Variants in TMEM132B observed in about 807,000 individuals in gnomAD.
TMEM132B encodes the protein transmembrane protein 132B.
A neutral mutation model predicts 90.8 loss-of-function variants in TMEM132B; 18 were observed. That is an observed-to-expected ratio of 0.20 (90% CI 0.14 to 0.29). The LOEUF (loss-of-function observed/expected upper bound fraction) is 0.29, where lower values mean the gene tolerates loss of function less well. Among genes scored for constraint, TMEM132B ranks in the 10% least tolerant of loss-of-function variants. The probability of loss-of-function intolerance (pLI) is 1.00; values close to 1 mark genes in which losing one functional copy is unlikely to be tolerated. For missense variants in TMEM132B, 1,096 were observed against 1,326.8 expected, an observed-to-expected ratio of 0.83 and a Z score of 2.70; for synonymous variants, 504 against 523.3, an observed-to-expected ratio of 0.96 and a Z score of 0.50.
intron 5 of TMEM132B, among the ~76,000 whole-genome samples, chr12:125,633,256 A>C (rs1886408025): frequency 6.6e-6 from 1 of 152,028 alleles, no homozygotes; most frequent in African/African-American, 2.4e-5. Flanking sequence ...TCAGCTCAAG[A>C]ATTTCTGCTT....
intron 1 of TMEM132B, among the ~76,000 whole-genome samples, chr12:125,229,707 C>T (rs1873771734): frequency 6.6e-6 from 1 of 152,334 alleles, no homozygotes; most frequent in East Asian, 1.9e-4. Context: ...AACAGTAACA[C>T]TGGGAATGTC....
chr12:125,356,158 A>G (rs1338055312), intron 2 of TMEM132B, among the ~76,000 whole-genome samples: 2 of 152,100 alleles, frequency 1.3e-5, no homozygotes, highest in East Asian at 1.9e-4. Flanking sequence ...GATTTATTAA[A>G]ATAGGGTTTT....
At chr12:125,356,101 A>T (rs1302673655) in intron 2 of TMEM132B, among the ~76,000 whole-genome samples, 1 of 152,292 alleles carries the variant, frequency 6.6e-6, no homozygotes, top group South Asian at 2.1e-4. Context: ...CCCCCTCCAA[A>T]TATAATATCT....
At chr12:125,500,849 G>T (rs1427847952) in intron 3 of TMEM132B, among the ~76,000 whole-genome samples, 2 of 152,142 alleles carry the variant, frequency 1.3e-5, no homozygotes, top group African/African-American at 4.8e-5. Context: ...GTGGGTCTCT[G>T]ATCTCCCTTG....
At chr12:125,532,813 C>A (rs1883681455) in intron 4 of TMEM132B, among the ~76,000 whole-genome samples, 1 of 152,058 alleles carries the variant, frequency 6.6e-6, no homozygotes, top group Non-Finnish European at 1.5e-5. Flanking sequence ...CCACACCCGG[C>A]CTTAGGAACC....
chr12:125,256,076 C>T (rs1201403279), intron 1 of TMEM132B, among the ~76,000 whole-genome samples: 1 of 152,088 alleles, frequency 6.6e-6, no homozygotes, highest in Non-Finnish European at 1.5e-5. Context: ...TCAGTCAGTG[C>T]GTTCATGTCC....
intron 5 of TMEM132B, among the ~76,000 whole-genome samples, chr12:125,623,432 G>A (rs565005164): frequency 6.6e-6 from 1 of 152,168 alleles, no homozygotes; most frequent in Admixed American, 6.5e-5. Flanking sequence ...CCTTGGGTAA[G>A]AATATTTTGT....
chr12:125,219,180 C>T (rs1373969520), intron 1 of TMEM132B, among the ~76,000 whole-genome samples: 2 of 152,052 alleles, frequency 1.3e-5, no homozygotes, highest in Admixed American at 6.6e-5. Context: ...GCCATGATGG[C>T]GAGGTTTCTG....
intron 3 of TMEM132B, among the ~76,000 whole-genome samples, chr12:125,509,893 G>A (rs1402024208): frequency 6.6e-6 from 1 of 152,180 alleles, no homozygotes; most frequent in Middle Eastern, 3.2e-3. Flanking sequence ...CTGTCAGCAT[G>A]GGTTTGCCTC....
In TMEM132B at chr12:125,545,817, C is replaced by A. The variant is rs534852524; in HGVS notation, c.1293+26192C>A. Reference sequence around the variant, plus strand: ...TTGAATCCCTGGATCCAGTCATACCCAAGCTACATTTGGAATTTTCACTTG... The same window carrying A: ...TTGAATCCCTGGATCCAGTCATACCAAAGCTACATTTGGAATTTTCACTTG... On this transcript the variant is annotated intron_variant, in intron 4 of 8. Coordinates refer to ENST00000682704, the MANE Select transcript of TMEM132B (RefSeq NM_001366854.1). Among the ~76,000 whole-genome samples the A allele has an allele frequency of 3.3e-5, 5 of 152,268 alleles. No individual in the cohort carries two copies. In the East Asian group the frequency reaches 9.7e-4, roughly 29 times the overall value.
Position 125,277,755 on chromosome 12 carries a change from A to G in TMEM132B, c.68-71697A>G, listed in dbSNP as rs1187524710. Among the ~76,000 whole-genome samples, 1 of 152,214 alleles carries G rather than the reference A, an allele frequency of 6.6e-6. No homozygotes were observed. The highest frequency in any genetic ancestry group is 1.5e-5 in the Non-Finnish European group (1 of 68,040). On this transcript the variant is annotated intron_variant, in intron 1 of 8. Transcript: ENST00000682704. The surrounding 1 kb of genome is among the most constrained non-coding windows in gnomAD (Gnocchi z 4.3). Reference sequence around the variant, plus strand: ...AATTTCTGTTGTTATAAGCCATCCCATTTGTGGTAATTTGTTGTGGCAGCT... The same window carrying G: ...AATTTCTGTTGTTATAAGCCATCCCGTTTGTGGTAATTTGTTGTGGCAGCT...
intron 4 of TMEM132B, among the ~76,000 whole-genome samples, chr12:125,529,034 C>T (rs1481170903): frequency 6.7e-6 from 1 of 148,314 alleles, no homozygotes; most frequent in Non-Finnish European, 1.5e-5. Context: ...CCTTCTTCCT[C>T]CCTCCTCCTT....
At chr12:125,234,088 C>T (rs1873880468) in intron 1 of TMEM132B, among the ~76,000 whole-genome samples, 1 of 152,198 alleles carries the variant, frequency 6.6e-6, no homozygotes, top group Non-Finnish European at 1.5e-5. Flanking sequence ...CATAGCACAG[C>T]TCCTGGCAGG....
Position 125,283,563 on chromosome 12 carries a change from C to A in TMEM132B, c.68-65889C>A, listed in dbSNP as rs189278633. On this transcript the variant is annotated intron_variant, in intron 1 of 8. Transcript: ENST00000682704. ...TCTGGCCCGGGAAACATGTAATTAC[C>A]ATGAGTGCCAGTCTCTGTAATGAAG... Among the ~76,000 whole-genome samples, 516 of 152,226 alleles carry A rather than the reference C, an allele frequency of 3.4e-3. 2 individuals are homozygous for A. The highest frequency in any genetic ancestry group is 0.012 in the African/African-American group (485 of 41,540).
rs980341065 is a variant in TMEM132B at position 125,460,058 on chromosome 12, C to T, written c.1106+44381C>T. Among the ~76,000 whole-genome samples, 2 of 152,158 alleles carry T rather than the reference C, an allele frequency of 1.3e-5. No homozygotes were observed. The highest frequency in any genetic ancestry group is 4.8e-5 in the African/African-American group (2 of 41,430). On this transcript the variant is annotated intron_variant, in intron 3 of 8. Transcript: ENST00000682704. This position sits in a 1 kb window ranked among gnomAD's most constrained non-coding sequence, Gnocchi z 4.4. Reference sequence around the variant, plus strand: ...ATAAATTACACAGTCTCAGGTATGCCTTTATCAGCAGTGTGTGAACAGACT... The same window carrying T: ...ATAAATTACACAGTCTCAGGTATGCTTTTATCAGCAGTGTGTGAACAGACT...
In TMEM132B at chr12:125,348,261, A is replaced by G. The variant is rs181871069; in HGVS notation, c.68-1191A>G. ...GATCAACCTATTGAATATGGATTAA[A>G]ATAATAATTGTGGGTGAATATTGAC... On this transcript the variant is annotated intron_variant, in intron 1 of 8. Transcript: ENST00000682704. Among the ~76,000 whole-genome samples, 167 of 152,340 alleles carry G rather than the reference A, an allele frequency of 1.1e-3. 2 individuals are homozygous for G. The highest frequency in any genetic ancestry group is 3.9e-3 in the African/African-American group (161 of 41,574).
chr12:125,639,171 C>A (rs1804477206), intron 5 of TMEM132B, among the ~76,000 whole-genome samples: 1 of 152,156 alleles, frequency 6.6e-6, no homozygotes, highest in Admixed American at 6.5e-5. Context: ...CCTTCCCCTG[C>A]CAATAAAACA....
chr12:125,336,458 C>G (rs1470736217), intron 1 of TMEM132B, among the ~76,000 whole-genome samples: 1 of 152,190 alleles, frequency 6.6e-6, no homozygotes, highest in Non-Finnish European at 1.5e-5. Context: ...AGACCTGAAG[C>G]CAGCCTATGC....
chr12:125,566,877 A>G (rs556709370), intron 4 of TMEM132B, among the ~76,000 whole-genome samples: 18 of 109,798 alleles, frequency 1.6e-4, no homozygotes, highest in African/African-American at 6.6e-4. Flanking sequence ...GGAGTCTTGC[A>G]CTGTCGCCCA....
Sources: allele counts gnomAD v4.1 joint callset (sites outside exome capture counted in the v4.1 genomes callset), GRCh38; gene constraint gnomAD v4.1.1; non-coding constraint Gnocchi (gnomAD v3.1); transcripts MANE v1.5; gene names NCBI Gene and HGNC (gene_info 2026-07-23, HGNC 2026-07-21).